CD163L1: variants seen among roughly 807,000 people sequenced by gnomAD.
CD163L1 encodes the protein CD163 molecule like 1, also known as scavenger receptor cysteine-rich type 1 protein M160.
A neutral mutation model predicts 165.4 loss-of-function variants in CD163L1; 124 were observed. The ratio of observed to expected loss-of-function variants is 0.75; its 90% CI spans 0.65 to 0.87. CD163L1 has a LOEUF of 0.87. CD163L1 is among the 40% of genes least tolerant of loss of function. The probability of loss-of-function intolerance (pLI) is 0.00; values close to 1 mark genes in which losing one functional copy is unlikely to be tolerated. For missense variants in CD163L1, 1,525 were observed against 1,799.9 expected (o/e 0.85, Z 2.76); for synonymous variants, 585 against 662.2 (o/e 0.88, Z 1.79).
At chr12:7,360,964 C>CTTTG (rs1555193509) in intron 18 of CD163L1, among the ~76,000 whole-genome samples, 1 of 147,848 alleles carries the variant, frequency 6.8e-6, no homozygotes, top group Non-Finnish European at 1.5e-5. Context: ...TTTGGTTTTG[C>CTTTG]TTTGTTTTGT....
At chr12:7,329,285 C>CTTT in the CD163L1 span, among the ~76,000 whole-genome samples, 1 of 133,726 alleles carries the variant, frequency 7.5e-6, no homozygotes, top group Non-Finnish European at 1.6e-5. Flanking sequence ...TTTTCTTTTT[C>CTTT]TTTTTTTTTT....
In CD163L1 at chr12:7,379,018, AG is replaced by A. The variant is rs752964526; in HGVS notation, c.2330del (p.Thr777MetfsTer5). On this transcript the variant is annotated frameshift_variant, in exon 9 of 20. Coordinates refer to ENST00000313599, the MANE Select transcript of CD163L1 (RefSeq NM_174941.6). LOFTEE classifies it high-confidence loss of function. ...WDCIRWEWKQ[T>X]ACHLNMEASL... is the part of the protein sequence containing the mutation. The stretch of plus-strand genomic sequence containing the variant: ...TTGCTTCCATATTTAAATGACACGC[AG>A]TCTGTTTCCACTCCCATCGTATACA... 3 of 1,611,302 alleles carry A rather than the reference AG, an allele frequency of 1.9e-6. No individual in the cohort carries two copies. Among genetic ancestry groups the A allele is most frequent in the Non-Finnish European group, 2.5e-6 (3 of 1,177,608 alleles).
At chr12:7,438,719 G>C in intron 2 of CD163L1, 2 of 909,770 alleles carry the variant, frequency 2.2e-6, no homozygotes, top group Non-Finnish European at 3.3e-6. Context: ...CCCTTTCCTT[G>C]CTTGTGAAAT....
chr12:7,356,193 T>A (rs1027190196), intron 19 of CD163L1, among the ~76,000 whole-genome samples: 1 of 152,086 alleles, frequency 6.6e-6, no homozygotes, highest in Non-Finnish European at 1.5e-5. Flanking sequence ...TTAGGATACA[T>A]TTTAATTTAA....
the CD163L1 span, chr12:7,323,377 T>C: frequency 1.3e-6 from 2 of 1,594,162 alleles, no homozygotes; most frequent in Non-Finnish European, 8.6e-7. Flanking sequence ...TTTTCTGCTA[T>C]TCATTGCACA....
chr12:7,399,300 C>CCT (rs141846088), intron 6 of CD163L1, among the ~76,000 whole-genome samples: 71,505 of 148,374 alleles, frequency 0.48, 20,769 homozygotes, highest in African/African-American at 0.79. Flanking sequence ...TTCTTTCTCT[C>CCT]CTTTCTTTCT....
At chr12:7,383,588 C>T (rs1298694026) in intron 8 of CD163L1, among the ~76,000 whole-genome samples, 1 of 152,144 alleles carries the variant, frequency 6.6e-6, no homozygotes, top group Non-Finnish European at 1.5e-5. Flanking sequence ...CTGCTGCTAC[C>T]ACCACCACTG....
chr12:7,380,368 T>TACAC (rs1184021951), intron 8 of CD163L1, among the ~76,000 whole-genome samples: 1,748 of 146,652 alleles, frequency 0.012, 38 homozygotes, highest in Non-Finnish European at 0.02. Context: ...TATACGCGTA[T>TACAC]ACATACATGT....
At chr12:7,433,745 G>GA (rs2136635874) in intron 2 of CD163L1, 51 bp from the exon 3 acceptor site, 1 of 1,365,594 alleles carries the variant, frequency 7.3e-7, no homozygotes, top group Non-Finnish European at 1.0e-6. Flanking sequence ...TTAGAAGGCA[G>GA]AAATAATATA....
the CD163L1 span, among the ~76,000 whole-genome samples, chr12:7,325,100 C>T: frequency 6.6e-6 from 1 of 152,240 alleles, no homozygotes; most frequent in Non-Finnish European, 1.5e-5. Context: ...CATTTGCCTA[C>T]CTTAGATCAC....
At chr12:7,439,578 A>G (rs1273189767) in intron 2 of CD163L1, 2 of 1,589,514 alleles carry the variant, frequency 1.3e-6, no homozygotes, top group East Asian at 2.2e-5. Flanking sequence ...GCTGACCGCT[A>G]TCAGAGTTCG....
chr12:7,324,482 C>T, the CD163L1 span: 12 of 1,613,890 alleles, frequency 7.4e-6, no homozygotes, highest in South Asian at 1.2e-4. Context: ...TGGTCAAAAA[C>T]TTCTTTTCCT....
At chr12:7,361,454 AG>A (rs1946889248) in intron 18 of CD163L1, among the ~76,000 whole-genome samples, 1 of 152,200 alleles carries the variant, frequency 6.6e-6, no homozygotes, top group Non-Finnish European at 1.5e-5. Flanking sequence ...TTTGCATAAC[AG>A]GGGTCATTCT....
Position 7,437,189 on chromosome 12 carries a change from ATT to A in CD163L1, c.125-3497_125-3496del, listed in dbSNP as rs1221108133. The stretch of plus-strand genomic sequence containing the variant: ...TATTAATAGTATTACTTTTATTTTT[ATT>A]TTAATAGTATTACTTTTTTATTTTA... On this transcript the variant is annotated intron_variant, in intron 2 of 19. Transcript: ENST00000313599. Among the ~76,000 whole-genome samples, 20 of 131,724 alleles carry A rather than the reference ATT, an allele frequency of 1.5e-4. 1 individual carries two copies. Among genetic ancestry groups the A allele is most frequent in the African/African-American group, 4.0e-4 (13 of 32,330 alleles). 86.4% of individuals were successfully genotyped at this position (131,724 alleles called of 152,430 possible). A position where few individuals can be genotyped will look rare whatever the true frequency, so the allele number is the denominator to read the frequency against.
chr12:7,376,696 G>A (rs1333154748), intron 9 of CD163L1, among the ~76,000 whole-genome samples: 2 of 152,072 alleles, frequency 1.3e-5, no homozygotes, highest in East Asian at 3.9e-4. Flanking sequence ...AATAATTCTT[G>A]ACTTCCATTA....
chr12:7,375,936 C>A lies in CD163L1; in HGVS notation c.2450G>T (p.Arg817Leu), dbSNP rs770662188. 4 of 1,614,202 alleles carry A rather than the reference C, an allele frequency of 2.5e-6. No homozygotes were observed. The highest frequency in any genetic ancestry group is 2.2e-5 in the South Asian group (2 of 91,086). Residue 817 changes from arginine to leucine, a missense_variant, in exon 10 of 20, where the codon CGC (arginine) becomes CTC (leucine). Arg to Leu is a moderately radical substitution (Grantham distance 102, BLOSUM62 -2). Coordinates refer to ENST00000313599, the MANE Select transcript of CD163L1 (RefSeq NM_174941.6). The part of the protein sequence containing the change: ...RVEVKHADTW[R>L]SVCDSDFSLH... ...AGAGAAATCAGAATCACAGACAGAG[C>A]GCCATGTGTCTGCATGTTTCACTTC...
chr12:7,328,593 G>C, the CD163L1 span: 1 of 313,506 alleles, frequency 3.2e-6, no homozygotes, highest in African/African-American at 2.2e-5. Context: ...AACTGACAAA[G>C]GTAATGATGA....
At chr12:7,412,235 T>G (rs1349520969) in intron 4 of CD163L1, among the ~76,000 whole-genome samples, 1 of 152,210 alleles carries the variant, frequency 6.6e-6, no homozygotes, top group African/African-American at 2.4e-5. Context: ...ATTCAATATA[T>G]GATGTATTCC....
chr12:7,322,475 A>C, the CD163L1 span: 1 of 1,613,906 alleles, frequency 6.2e-7, no homozygotes, highest in Non-Finnish European at 8.5e-7. Context: ...TCAACCCAGA[A>C]GTGCTGGAGC....
Sources: allele counts gnomAD v4.1 joint callset (sites outside exome capture counted in the v4.1 genomes callset), GRCh38; gene constraint gnomAD v4.1.1; transcripts MANE v1.5; gene names NCBI Gene and HGNC (gene_info 2026-07-23, HGNC 2026-07-21).